The following GRIP1 variants were observed in gnomAD, a reference collection of about 807,000 sequenced individuals.
GRIP1 encodes the protein glutamate receptor-interacting protein 1.
In GRIP1, 45 loss-of-function variants were observed where a neutral mutation model predicts 129.9. The ratio of observed to expected loss-of-function variants is 0.35; its 90% CI spans 0.27 to 0.44. GRIP1 has a LOEUF of 0.44. Among genes scored for constraint, GRIP1 ranks in the 20% least tolerant of loss-of-function variants. GRIP1 has a pLI of 1.00. For synonymous variants in GRIP1, 530 were observed against 520.8 expected (o/e 1.02, Z -0.24); for missense variants, 1,196 against 1,396.8 (o/e 0.86, Z 2.29).
chr12:66,627,595 T>C (rs1264031841), intron 1 of GRIP1, among the ~76,000 whole-genome samples: 1 of 152,184 alleles, frequency 6.6e-6, no homozygotes, highest in Admixed American at 6.5e-5. Context: ...TCTGGATTTA[T>C]CTGAGGATAC....
chr12:66,432,569 C>T lies in GRIP1; in HGVS notation c.1747G>A (p.Glu583Lys). 1 of 1,595,804 alleles carries T rather than the reference C, an allele frequency of 6.3e-7. No individual in the cohort carries two copies. Among genetic ancestry groups the T allele is most frequent in the Non-Finnish European group, 8.6e-7 (1 of 1,164,300 alleles). ...TTACAACTTATGGTTATTCCAAGTT[C>T]CACATTGTGCTTCTTAGGCAGCTTT... is the stretch of plus-strand genomic sequence containing the variant. ...HVKLPKKHNV[E>K]LGITISSPSS... The change falls in exon 14 of 25, where the codon GAA (glutamate) becomes AAA (lysine). Residue 583 changes from glutamate (E) to lysine (K), a missense_variant. Around this residue, in one of 5 missense-constraint regions of GRIP1, gnomAD observed 508 missense variants for 587.0 expected, o/e 0.87. Coordinates refer to ENST00000359742, the MANE Select transcript of GRIP1 (RefSeq NM_001366722.1).
chr12:66,648,997 A>C (rs2032583523), intron 1 of GRIP1, among the ~76,000 whole-genome samples: 1 of 152,200 alleles, frequency 6.6e-6, no homozygotes, highest in Admixed American at 6.5e-5. Context: ...GTGCAAATTC[A>C]TTCTCTTGGT....
intron 1 of GRIP1, among the ~76,000 whole-genome samples, chr12:66,812,552 G>A (rs1293140218): frequency 1.3e-5 from 2 of 152,216 alleles, no homozygotes; most frequent in Non-Finnish European, 1.5e-5. Context: ...TGCGGTAGGT[G>A]TGAAACAGAA....
At chr12:66,574,115 T>C (rs2063058878) in intron 2 of GRIP1, among the ~76,000 whole-genome samples, 1 of 152,190 alleles carries the variant, frequency 6.6e-6, no homozygotes, top group Non-Finnish European at 1.5e-5. Flanking sequence ...AAACAAATGG[T>C]TGTAGGCTCT....
chr12:66,447,771 G>A (rs10878423), intron 11 of GRIP1, among the ~76,000 whole-genome samples: 60,397 of 151,856 alleles, frequency 0.4, 12,179 homozygotes, highest in East Asian at 0.5. Flanking sequence ...GTCTATAGAC[G>A]TGTACTGATT....
intron 8 of GRIP1, among the ~76,000 whole-genome samples, chr12:66,463,994 G>C (rs1040685519): frequency 2.6e-5 from 4 of 152,184 alleles, no homozygotes; most frequent in Non-Finnish European, 5.9e-5. Flanking sequence ...GACCACAATG[G>C]AGATGTAGAC....
chr12:66,692,900 A>T (rs1199287533), intron 1 of GRIP1, among the ~76,000 whole-genome samples: 1 of 152,178 alleles, frequency 6.6e-6, no homozygotes, highest in Non-Finnish European at 1.5e-5. Flanking sequence ...ATTATTTCGT[A>T]AGTCATGACT....
chr12:67,000,996 T>C (rs1277674577), intron 1 of GRIP1, among the ~76,000 whole-genome samples: 1 of 152,220 alleles, frequency 6.6e-6, no homozygotes, highest in Non-Finnish European at 1.5e-5. Flanking sequence ...CTGAGTATCC[T>C]GTATTTTATC....
At chr12:66,360,318 G>T (rs1448330103) in intron 23 of GRIP1, among the ~76,000 whole-genome samples, 14 of 151,964 alleles carry the variant, frequency 9.2e-5, no homozygotes, top group Admixed American at 9.2e-4. Context: ...GGCTTTCCAA[G>T]AACATCTGCA....
intron 1 of GRIP1, among the ~76,000 whole-genome samples, chr12:67,008,491 A>T (rs182467804): frequency 6.6e-6 from 1 of 152,330 alleles, no homozygotes; most frequent in Non-Finnish European, 1.5e-5. Flanking sequence ...TTTAATGTAC[A>T]ATAAAAGACA....
intron 1 of GRIP1, among the ~76,000 whole-genome samples, chr12:66,789,630 T>A (rs1451801323): frequency 1.7e-5 from 2 of 117,528 alleles, no homozygotes; most frequent in Non-Finnish European, 4.0e-5. Flanking sequence ...ATGTAAAAAA[T>A]TTTTTCCATT....
At chr12:66,669,726 C>T (rs2033984177) in intron 1 of GRIP1, among the ~76,000 whole-genome samples, 1 of 152,114 alleles carries the variant, frequency 6.6e-6, no homozygotes. Flanking sequence ...GGTGTAAATA[C>T]TCCCACTATG....
intron 16 of GRIP1, among the ~76,000 whole-genome samples, chr12:66,396,574 A>G (rs1283003528): frequency 6.6e-6 from 1 of 152,132 alleles, no homozygotes; most frequent in Non-Finnish European, 1.5e-5. Context: ...CCTTATTTGG[A>G]GACATTTTTT....
At chr12:66,687,860 G>C (rs982267551) in intron 1 of GRIP1, among the ~76,000 whole-genome samples, 1 of 152,126 alleles carries the variant, frequency 6.6e-6, no homozygotes, top group Non-Finnish European at 1.5e-5. Context: ...TAGTCACGGG[G>C]ACTGGTCCAG....
At chr12:66,687,381 G>C (rs1298548938) in intron 1 of GRIP1, among the ~76,000 whole-genome samples, 1 of 152,000 alleles carries the variant, frequency 6.6e-6, no homozygotes, top group Non-Finnish European at 1.5e-5. Flanking sequence ...ATTAAACATG[G>C]GCAATAGGAT....
At position 66,569,176 on chromosome 12, in the gene GRIP1, A is replaced by C. The variant is rs953113599; in HGVS notation, c.137-27226T>G. 1.3e-5 allele frequency: 3 copies of C among 229,804 alleles called. No individual in the cohort carries two copies. The Admixed American group carries it at 1.8e-4, about 13-fold the overall frequency. The allele number at this position is 229,804 out of a possible 1,614,324, so 14.2% of individuals were successfully genotyped here. ...TCAAAAAACTTTAATTGTTCTATCA[A>C]GATTTGTAGGTGGGCATCAGTCTCT... is the stretch of plus-strand genomic sequence containing the variant. On this transcript the variant is annotated intron_variant, in intron 2 of 24. Coordinates refer to ENST00000359742, the MANE Select transcript of GRIP1 (RefSeq NM_001366722.1).
At chr12:66,969,695 G>A (rs1214929168) in intron 1 of GRIP1, among the ~76,000 whole-genome samples, 1 of 152,082 alleles carries the variant, frequency 6.6e-6, no homozygotes, top group Non-Finnish European at 1.5e-5. Context: ...GGGATCACAG[G>A]TGTGAGCCAC....
At chr12:66,767,088 T>G (rs1264249280) in intron 1 of GRIP1, among the ~76,000 whole-genome samples, 1 of 151,974 alleles carries the variant, frequency 6.6e-6, no homozygotes, top group African/African-American at 2.4e-5. Context: ...TTTTGTCATT[T>G]TCTGGATTAA....
intron 23 of GRIP1, among the ~76,000 whole-genome samples, chr12:66,361,636 CCCCA>C (rs2137165894): frequency 6.6e-6 from 1 of 152,298 alleles, no homozygotes; most frequent in Admixed American, 6.5e-5. Flanking sequence ...TTTGCACTTG[CCCCA>C]GCCACCACCA....
Sources: allele counts gnomAD v4.1 joint callset (sites outside exome capture counted in the v4.1 genomes callset), GRCh38; gene constraint gnomAD v4.1.1; regional missense constraint gnomAD v4.1.1; transcripts MANE v1.5; gene names NCBI Gene and HGNC (gene_info 2026-07-23, HGNC 2026-07-21).